Variants in PELI2 observed in about 807,000 individuals in gnomAD.
The protein encoded by PELI2 is pellino E3 ubiquitin protein ligase family member 2.
In PELI2, 23 loss-of-function variants were observed where a neutral mutation model predicts 42.3. The ratio of observed to expected loss-of-function variants is 0.54; its 90% CI spans 0.39 to 0.77. PELI2 has a LOEUF of 0.77. Ranked by LOEUF, PELI2 falls within the 30% of genes least tolerant of loss-of-function variation. PELI2 has a pLI of 0.00. For missense variants in PELI2, 463 were observed against 553.2 expected (o/e 0.84, Z 1.64); for synonymous variants, 245 against 212.2 (o/e 1.15, Z -1.34).
intron 2 of PELI2, among the ~76,000 whole-genome samples, chr14:56,230,896 A>G (rs1887537726): frequency 6.6e-6 from 1 of 152,220 alleles, no homozygotes; most frequent in African/African-American, 2.4e-5. Flanking sequence ...AAATAAAGGG[A>G]TGGAGGAAGG....
At chr14:56,221,029 T>C (rs1887111694) in intron 2 of PELI2, among the ~76,000 whole-genome samples, 1 of 152,210 alleles carries the variant, frequency 6.6e-6, no homozygotes, top group South Asian at 2.1e-4. Context: ...TTCTGTGCCA[T>C]GGACAGCTGT....
Position 56,180,237 on chromosome 14 carries a change from T to C in PELI2, c.207+1773T>C, listed in dbSNP as rs1885530382. 1.3e-5 allele frequency among the ~76,000 whole-genome samples: 2 copies of C among 152,216 alleles called. No individual in the cohort carries two copies. The highest frequency in any genetic ancestry group is 2.4e-5 in the African/African-American group (1 of 41,454). Reference sequence around the variant, plus strand: ...AAAATATATTCTCAGGGCCTCAGTTTACTCATTAGAAACTGAGTAAATTGG... The same window carrying C: ...AAAATATATTCTCAGGGCCTCAGTTCACTCATTAGAAACTGAGTAAATTGG... On this transcript the variant is annotated intron_variant, in intron 2 of 5. Coordinates refer to ENST00000267460, the MANE Select transcript of PELI2 (RefSeq NM_021255.3). The surrounding 1 kb of genome is among the most constrained non-coding windows in gnomAD (Gnocchi z 4.4).
intron 2 of PELI2, among the ~76,000 whole-genome samples, chr14:56,192,415 G>A (rs758625673): frequency 3.3e-5 from 5 of 152,116 alleles, no homozygotes; most frequent in Non-Finnish European, 7.3e-5. Flanking sequence ...TGGCAGTTTG[G>A]GCCAGATAAT....
At chr14:56,278,121 C>A (rs1889355520) in intron 2 of PELI2, among the ~76,000 whole-genome samples, 1 of 151,918 alleles carries the variant, frequency 6.6e-6, no homozygotes, top group Non-Finnish European at 1.5e-5. Flanking sequence ...TATAGGAAAC[C>A]CTAAAATAAA....
intron 2 of PELI2, among the ~76,000 whole-genome samples, chr14:56,209,049 T>C (rs1886619938): frequency 6.6e-6 from 1 of 152,242 alleles, no homozygotes; most frequent in Non-Finnish European, 1.5e-5. Context: ...AAATGTGATA[T>C]TTTGATAAGT....
chr14:56,283,657 C>CT (rs1889555363), intron 3 of PELI2, among the ~76,000 whole-genome samples: 1 of 152,138 alleles, frequency 6.6e-6, no homozygotes, highest in East Asian at 1.9e-4. Context: ...GTAATGTAAA[C>CT]TAAGGCCAGA....
chr14:56,146,689 T>G (rs1179886483), intron 1 of PELI2, among the ~76,000 whole-genome samples: 1 of 152,188 alleles, frequency 6.6e-6, no homozygotes, highest in Non-Finnish European at 1.5e-5. Context: ...AAGTTGAAAG[T>G]AACATTCTAG....
chr14:56,246,521 C>T (rs1888167047), intron 2 of PELI2, among the ~76,000 whole-genome samples: 1 of 152,172 alleles, frequency 6.6e-6, no homozygotes, highest in Admixed American at 6.5e-5. Context: ...CGAGCCTCTG[C>T]ATTTGAGTGC....
intron 2 of PELI2, among the ~76,000 whole-genome samples, chr14:56,274,911 C>T (rs1342690578): frequency 2.0e-5 from 3 of 152,136 alleles, no homozygotes; most frequent in Non-Finnish European, 4.4e-5. Context: ...AACCTAATAA[C>T]ATTTATACTG....
At chr14:56,272,430 A>G (rs1317135964) in intron 2 of PELI2, among the ~76,000 whole-genome samples, 2 of 152,254 alleles carry the variant, frequency 1.3e-5, no homozygotes, top group Admixed American at 6.5e-5. Flanking sequence ...CTCTTGGTAT[A>G]CAAAGGCAGA....
At chr14:56,237,293 ATTAT>A (rs1296284633) in intron 2 of PELI2, among the ~76,000 whole-genome samples, 1 of 152,210 alleles carries the variant, frequency 6.6e-6, no homozygotes, top group Admixed American at 6.5e-5. Flanking sequence ...AAATCAATTA[ATTAT>A]TTATTTAGCC....
rs1477904833 is a variant in PELI2, at chr14:56,288,864, CT to C, written c.507+237del. On this transcript the variant is annotated intron_variant, in intron 4 of 5. Coordinates refer to ENST00000267460, the MANE Select transcript of PELI2 (RefSeq NM_021255.3). The surrounding 1 kb of genome is among the most constrained non-coding windows in gnomAD (Gnocchi z 4.6). ...TATATTGTAATATTTACAGTAAGTACTTTTTTTAAAGTATGCCTATAACATT... is the reference window on the plus strand; with the variant it reads ...TATATTGTAATATTTACAGTAAGTACTTTTTTAAAGTATGCCTATAACATT... Among the ~76,000 whole-genome samples the C allele has an allele frequency of 6.6e-6, 1 of 152,078 alleles. No individual in the cohort carries two copies. Among genetic ancestry groups the C allele is most frequent in the Non-Finnish European group, 1.5e-5 (1 of 68,024 alleles).
intron 2 of PELI2, among the ~76,000 whole-genome samples, chr14:56,232,351 A>C (rs1887615994): frequency 6.6e-6 from 1 of 152,172 alleles, no homozygotes; most frequent in Admixed American, 6.5e-5. Context: ...ATTGATGCAA[A>C]AATCCTCAAT....
chr14:56,246,666 T>C (rs1170083130), intron 2 of PELI2, among the ~76,000 whole-genome samples: 1 of 141,176 alleles, frequency 7.1e-6, no homozygotes, highest in Admixed American at 6.7e-5. Context: ...TATGCATTAC[T>C]TTATTTAACC....
chr14:56,225,829 C>T (rs1887332955), intron 2 of PELI2, among the ~76,000 whole-genome samples: 1 of 152,186 alleles, frequency 6.6e-6, no homozygotes, highest in African/African-American at 2.4e-5. Flanking sequence ...TAGCATGTCA[C>T]CAAGGTGGGC....
intron 1 of PELI2, among the ~76,000 whole-genome samples, chr14:56,160,539 G>C (rs1026719969): frequency 3.9e-5 from 6 of 152,092 alleles, no homozygotes; most frequent in Non-Finnish European, 8.8e-5. Context: ...TAATAGCCTT[G>C]GGAAGCATTT....
intron 2 of PELI2, among the ~76,000 whole-genome samples, chr14:56,237,184 A>G (rs1408175380): frequency 4.6e-5 from 7 of 152,166 alleles, no homozygotes; most frequent in African/African-American, 1.7e-4. Context: ...TTAACGTTGT[A>G]TACATTTTTA....
chr14:56,169,581 A>C (rs242404), intron 1 of PELI2, among the ~76,000 whole-genome samples: 2 of 152,126 alleles, frequency 1.3e-5, no homozygotes, highest in South Asian at 4.1e-4. Context: ...GGATGGTGTC[A>C]GTGATTCAGG....
intron 2 of PELI2, among the ~76,000 whole-genome samples, chr14:56,195,780 A>G (rs1886109066): frequency 6.6e-6 from 1 of 152,194 alleles, no homozygotes; most frequent in African/African-American, 2.4e-5. Context: ...CTGGTTGTTT[A>G]AATGTGAATC....
Sources: allele counts gnomAD v4.1 joint callset (sites outside exome capture counted in the v4.1 genomes callset), GRCh38; gene constraint gnomAD v4.1.1; non-coding constraint Gnocchi (gnomAD v3.1); transcripts MANE v1.5; gene names NCBI Gene and HGNC (gene_info 2026-07-23, HGNC 2026-07-21).